The following DST variants were observed in gnomAD, a reference collection of about 807,000 sequenced individuals.
DST encodes the protein bullous pemphigoid antigen.
A neutral mutation model predicts 875.2 loss-of-function variants in DST; 253 were observed. The ratio of observed to expected loss-of-function variants is 0.29; its 90% CI spans 0.26 to 0.32. DST has a LOEUF of 0.32. Ranked by LOEUF, DST falls within the 10% of genes least tolerant of loss-of-function variation. The pLI is 1.00. For synonymous variants in DST, 3,124 were observed against 3,197.1 expected (o/e 0.98, Z 0.77); for missense variants, 8,287 against 9,111.6 (o/e 0.91, Z 3.68).
At chr6:56,489,376 C>T in intron 86 of DST, 114 bp downstream of exon 86, 1 of 1,068,538 alleles carries the variant, frequency 9.4e-7, no homozygotes, top group Non-Finnish European at 1.3e-6. Context: ...TACAGGTTCA[C>T]ACTGGACCTA....
rs34370097 is a variant in DST at position 56,466,396 on chromosome 6, G to GA, written c.22570-202dup. On this transcript the variant is annotated intron_variant, in intron 98 of 103. Transcript: ENST00000680361. ...TGATTTAGCCCAAAGGAAACAGTTT[G>GA]AAAAAAAAAAGATTACAAAGGTTAT... 12,618 of 339,362 alleles carry GA rather than the reference G, an allele frequency of 0.037. 113 individuals are homozygous for GA. Among genetic ancestry groups the GA allele is most frequent in the Non-Finnish European group, 0.05 (9,460 of 190,236 alleles). 21.0% of individuals were successfully genotyped at this position (339,362 alleles called of 1,614,324 possible).
At chr6:56,871,776 T>TAAAAAAAAAAAAAAAAAAAGA (rs1777268633) in intron 3 of DST, 27 of 95,014 alleles carry the variant, frequency 2.8e-4, no homozygotes, top group Non-Finnish European at 3.2e-4. Flanking sequence ...CAATTAAAAG[T>TAAAAAAAAAAAAAAAAAAAGA]AAAAAAAAAA....
chr6:56,799,477 G>A lies in DST; in HGVS notation c.625+51920C>T, dbSNP rs57738146. Among the ~76,000 whole-genome samples the A allele has an allele frequency of 8.4e-3, 1,271 of 151,486 alleles. 18 individuals carry two copies. The highest frequency in any genetic ancestry group is 0.03 in the African/African-American group (1,223 of 41,302). ...TTGCCACAGCTACTCAAATCTTCAG[G>A]AACCACCACCCTGATCAGTCAACAG... On this transcript the variant is annotated intron_variant, in intron 4 of 103. Transcript: ENST00000680361.
rs749297410 is a variant in DST, at chr6:56,594,082, T to C, written c.12307A>G (p.Lys4103Glu). ...AGTTCCTTCATGTTCTTTTGCAGTT[T>C]CTCTTTTTCTTCAGGAGAGAGATAC... ...GQYLSPEEKE[K>E]LQKNMKELKV... The change falls in exon 48 of 104, where the codon AAA becomes GAA. Residue 4103 changes from lysine (K) to glutamate (E), a missense_variant. Transcript: ENST00000680361. 28 of 1,611,462 alleles carry C rather than the reference T, an allele frequency of 1.7e-5. No homozygotes were observed. The highest frequency in any genetic ancestry group is 4.5e-5 in the East Asian group (2 of 44,892).
Position 56,608,687 on chromosome 6 carries a change from CACGGTCT to C in DST, c.5934_5940del (p.Ile1978MetfsTer8). ...GCACTTAACAACCTAAACATGGTTTCACGGTCTATGAGACCTTCATGAGCTGCTCTTA... is the reference window on the plus strand; with the variant it reads ...GCACTTAACAACCTAAACATGGTTTCATGAGACCTTCATGAGCTGCTCTTA... On this transcript the variant is annotated frameshift_variant, in exon 40 of 104. Coordinates refer to ENST00000680361, the MANE Select transcript of DST (RefSeq NM_001374736.1). LOFTEE classifies it high-confidence loss of function. 1 of 1,612,932 alleles carries C rather than the reference CACGGTCT, an allele frequency of 6.2e-7. No individual in the cohort carries two copies. Among genetic ancestry groups the C allele is most frequent in the Non-Finnish European group, 8.5e-7 (1 of 1,179,448 alleles).
chr6:56,599,929 C>G, intron 45 of DST, 140 bp downstream of exon 45: 1 of 683,080 alleles, frequency 1.5e-6, no homozygotes, highest in Non-Finnish European at 2.3e-6. Context: ...GTTTAAAGCT[C>G]AAGCCCAGGG....
At chr6:56,623,273 T>C (rs758395301) in intron 36 of DST, among the ~76,000 whole-genome samples, 9 of 152,190 alleles carry the variant, frequency 5.9e-5, no homozygotes, top group Non-Finnish European at 1.3e-4. Context: ...ATACATACTA[T>C]GAGAAAAGAA....
intron 49 of DST, among the ~76,000 whole-genome samples, chr6:56,587,834 T>C (rs1360390869): frequency 6.6e-6 from 1 of 151,854 alleles, no homozygotes; most frequent in Non-Finnish European, 1.5e-5. Context: ...GAAGGAGAAA[T>C]AAAATACTTT....
chr6:56,915,870 C>T (rs1189573497), intron 2 of DST, among the ~76,000 whole-genome samples: 2 of 152,194 alleles, frequency 1.3e-5, no homozygotes, highest in East Asian at 1.9e-4. Flanking sequence ...CAACGATAGC[C>T]ATATCAATAG....
chr6:56,602,039 A>C (rs1435628600), intron 43 of DST: 1 of 426,274 alleles, frequency 2.3e-6, no homozygotes, highest in African/African-American at 2.1e-5. Context: ...AACATTTACA[A>C]CATCCATGTA....
intron 9 of DST, among the ~76,000 whole-genome samples, chr6:56,695,299 C>T (rs2099257621): frequency 6.6e-6 from 1 of 152,008 alleles, no homozygotes; most frequent in Non-Finnish European, 1.5e-5. Context: ...AGGACTATGT[C>T]TCTTATACAG....
rs370454837 is a variant in DST, at chr6:56,870,661, G to C, written c.418-19057C>G. ...ACCTGTAATCCCAGCTACTCGGGAG[G>C]CTGAGGCAGGAGAATCACTTGAACC... On this transcript the variant is annotated intron_variant, in intron 3 of 103. Coordinates refer to ENST00000680361, the MANE Select transcript of DST (RefSeq NM_001374736.1). Among the ~76,000 whole-genome samples the C allele has an allele frequency of 3.2e-4, 49 of 152,110 alleles. 1 individual carries two copies. The highest frequency in any genetic ancestry group is 9.6e-4 in the African/African-American group (40 of 41,510).
intron 94 of DST, chr6:56,471,740 G>T: frequency 4.9e-6 from 2 of 405,630 alleles, no homozygotes; most frequent in Non-Finnish European, 9.1e-6. Context: ...AAATATAAAA[G>T]ATTATATTTT....
intron 9 of DST, among the ~76,000 whole-genome samples, chr6:56,675,706 G>A (rs2099125046): frequency 6.6e-6 from 1 of 152,030 alleles, no homozygotes; most frequent in Non-Finnish European, 1.5e-5. Context: ...CAAAACATTA[G>A]CTGGGCATGG....
At chr6:56,519,576 G>T (rs1015110656) in intron 69 of DST, among the ~76,000 whole-genome samples, 1 of 152,084 alleles carries the variant, frequency 6.6e-6, no homozygotes, top group African/African-American at 2.4e-5. Flanking sequence ...AGGCCTAGTG[G>T]AGAGTCAGGA....
Position 56,625,199 on chromosome 6 carries a change from T to C in DST, c.4788A>G (p.Lys1596=). The C allele has an allele frequency of 6.2e-7, 1 of 1,613,604 alleles. No individual in the cohort carries two copies. The highest frequency in any genetic ancestry group is 1.1e-5 in the South Asian group (1 of 91,076). ...CTGCTGAACTCTGCATTCTTCGGCG[T>C]TTCACTGGAGATTTTTGTTGTGAAT... ...MVDSQQKSPV[K]RRRMQSSADL... Residue 1596 remains lysine, a synonymous_variant, in exon 35 of 104, where the codon AAA becomes AAG. Transcript: ENST00000680361.
chr6:56,780,759 T>G (rs1419978842), intron 4 of DST, among the ~76,000 whole-genome samples: 2 of 151,000 alleles, frequency 1.3e-5, no homozygotes, highest in Non-Finnish European at 3.0e-5. Context: ...TTTTGGCTTT[T>G]GTTGCCATTG....
chr6:56,653,011 C>A (rs375889745), intron 10 of DST, among the ~76,000 whole-genome samples: 1 of 152,074 alleles, frequency 6.6e-6, no homozygotes, highest in Non-Finnish European at 1.5e-5. Context: ...GTTTTGTTTC[C>A]GTAAAATTTG....
At chr6:56,609,395 C>A (rs998416522) in intron 39 of DST, 51 bp from the exon 40 acceptor site, 4 of 1,358,948 alleles carry the variant, frequency 2.9e-6, no homozygotes, top group Non-Finnish European at 4.0e-6. Flanking sequence ...CAAGGGTGGG[C>A]GGAGTTTCAT....
Sources: allele counts gnomAD v4.1 joint callset (sites outside exome capture counted in the v4.1 genomes callset), GRCh38; gene constraint gnomAD v4.1.1; transcripts MANE v1.5; gene names NCBI Gene and HGNC (gene_info 2026-07-23, HGNC 2026-07-21).